TMEM44: variants seen among roughly 807,000 people sequenced by gnomAD.
The protein encoded by TMEM44 is transmembrane protein 44.
A neutral mutation model predicts 47.8 loss-of-function variants in TMEM44; 43 were observed. The ratio of observed to expected loss-of-function variants is 0.90; its 90% CI spans 0.70 to 1.16. The LOEUF (loss-of-function observed/expected upper bound fraction) is 1.16. Among genes scored for constraint, TMEM44 ranks in the 50% most tolerant of loss-of-function variants. The probability of loss-of-function intolerance (pLI) is 0.00; values close to 1 mark genes in which losing one functional copy is unlikely to be tolerated. For missense variants in TMEM44, 568 were observed against 555.2 expected, an observed-to-expected ratio of 1.02 and a Z score of -0.23; for synonymous variants, 277 against 238.8, an observed-to-expected ratio of 1.16 and a Z score of -1.48.
At chr3:194,628,231 G>T in intron 2 of TMEM44, 152 bp downstream of exon 2, 2 of 1,091,026 alleles carry the variant, frequency 1.8e-6, no homozygotes, top group Non-Finnish European at 2.5e-6. Context: ...TCTGAGGGGG[G>T]CAGAAGGAAC....
intron 9 of TMEM44, among the ~76,000 whole-genome samples, chr3:194,596,132 T>C (rs954281986): frequency 6.6e-6 from 1 of 151,926 alleles, no homozygotes; most frequent in African/African-American, 2.4e-5. Flanking sequence ...AGCTCAGGCT[T>C]AGGAGCCTGG....
At chr3:194,597,643 C>T (rs1165565408) in intron 9 of TMEM44, among the ~76,000 whole-genome samples, 6 of 142,580 alleles carry the variant, frequency 4.2e-5, no homozygotes, top group Admixed American at 3.6e-4. Flanking sequence ...CTGGGTGACT[C>T]TGTCTCAAAA....
chr3:194,588,729 C>G, intron 9 of TMEM44, 90 bp from the exon 10 acceptor site: 1 of 1,300,008 alleles, frequency 7.7e-7, no homozygotes, highest in Non-Finnish European at 1.1e-6. Context: ...AAGCTCCAAT[C>G]TTGGTTCTCA....
chr3:194,608,573 G>C (rs1714996481), intron 8 of TMEM44, among the ~76,000 whole-genome samples: 1 of 152,230 alleles, frequency 6.6e-6, no homozygotes, highest in South Asian at 2.1e-4. Flanking sequence ...GCTTCGGACT[G>C]GGTGGTTAGG....
intron 9 of TMEM44, among the ~76,000 whole-genome samples, chr3:194,590,786 T>G (rs529540714): frequency 6.6e-6 from 1 of 152,300 alleles, no homozygotes; most frequent in East Asian, 1.9e-4. Flanking sequence ...GCCCTGATGA[T>G]TGAGAACCAC....
At chr3:194,623,154 T>C in intron 5 of TMEM44, 70 bp downstream of exon 5, 1 of 1,475,804 alleles carries the variant, frequency 6.8e-7, no homozygotes, top group Non-Finnish European at 9.2e-7. Context: ...CCCATGACCC[T>C]CTCAGGATGC....
At position 194,617,916 on chromosome 3, in the gene TMEM44, C is replaced by T. The variant is rs1169698789; in HGVS notation, c.613-647G>A. The stretch of plus-strand genomic sequence containing the variant: ...AATGTGTGTGTGGCACCTTCCCTTC[C>T]ACCCTCTTGCACTCTCTCTCTCTCT... On this transcript the variant is annotated intron_variant, in intron 5 of 9. Transcript: ENST00000347147. 4 of 581,788 alleles carry T rather than the reference C, an allele frequency of 6.9e-6. No individual in the cohort carries two copies. The African/African-American group carries it at 7.5e-5, about 11-fold the overall frequency. 36.0% of individuals were successfully genotyped at this position (581,788 alleles called of 1,614,324 possible).
At chr3:194,614,896 G>A (rs1715713721) in intron 7 of TMEM44, among the ~76,000 whole-genome samples, 1 of 152,140 alleles carries the variant, frequency 6.6e-6, no homozygotes, top group Non-Finnish European at 1.5e-5. Flanking sequence ...AGGATCCTAT[G>A]GCATTCAGGC....
At chr3:194,619,840 C>T (rs1274579998) in intron 5 of TMEM44, among the ~76,000 whole-genome samples, 1 of 152,228 alleles carries the variant, frequency 6.6e-6, no homozygotes, top group Non-Finnish European at 1.5e-5. Flanking sequence ...CCTGAGTCCC[C>T]AGGGCAATCT....
In TMEM44 at chr3:194,588,320, C is replaced by G; in HGVS notation, c.*209G>C. 1 of 539,792 alleles carries G rather than the reference C, an allele frequency of 1.9e-6. No homozygotes were observed. Among genetic ancestry groups the G allele is most frequent in the Non-Finnish European group, 3.3e-6 (1 of 305,018 alleles). The allele number at this position is 539,792 out of a possible 1,614,324, so 33.4% of individuals were successfully genotyped here. A position where few individuals can be genotyped will look rare whatever the true frequency, so the allele number is the denominator to read the frequency against. ...TGTGATCTTCAGAACGAATGCTGGG[C>G]CTATCCAGGTCTGTCCGCAGTACCC... On this transcript the variant is annotated 3_prime_UTR_variant, in exon 10 of 10. Transcript: ENST00000347147.
In TMEM44 at chr3:194,615,559, C is replaced by A; in HGVS notation, c.912+10G>T. The A allele has an allele frequency of 6.2e-7, 1 of 1,613,322 alleles. No individual in the cohort carries two copies. The highest frequency in any genetic ancestry group is 8.5e-7 in the Non-Finnish European group (1 of 1,179,624). Reference sequence around the variant, plus strand: ...TTTCCAGCCAGAGAGACCTTGTCCTCGTTCCTCACCTCCTGGTTTTCTTCC... The same window carrying A: ...TTTCCAGCCAGAGAGACCTTGTCCTAGTTCCTCACCTCCTGGTTTTCTTCC... On this transcript the variant is annotated intron_variant, in intron 7 of 9. Transcript: ENST00000347147.
In TMEM44 at chr3:194,604,459, G is replaced by A; in HGVS notation, c.1018-14C>T. ...ACTGCAGCCTGCCTGCAAGGTGTGTGAGAAAGGGCAGGCAAGGACACGTAG... is the reference window on the plus strand; with the variant it reads ...ACTGCAGCCTGCCTGCAAGGTGTGTAAGAAAGGGCAGGCAAGGACACGTAG... On this transcript the variant is annotated splice_polypyrimidine_tract_variant and intron_variant, in intron 8 of 9. Transcript: ENST00000347147. The A allele has an allele frequency of 2.0e-6, 3 of 1,493,228 alleles. No homozygotes were observed. Among genetic ancestry groups the A allele is most frequent in the Non-Finnish European group, 2.7e-6 (3 of 1,115,456 alleles). The allele number at this position is 1,493,228 out of a possible 1,614,324, so 92.5% of individuals were successfully genotyped here. A position where few individuals can be genotyped will look rare whatever the true frequency, so the allele number is the denominator to read the frequency against.
At chr3:194,609,880 C>G (rs542486213) in intron 8 of TMEM44, among the ~76,000 whole-genome samples, 5 of 152,264 alleles carry the variant, frequency 3.3e-5, no homozygotes, top group African/African-American at 9.6e-5. Flanking sequence ...CTCTAAAATG[C>G]ACATCTGACC....
chr3:194,623,772 T>C (rs183710884), intron 3 of TMEM44, 77 bp from the exon 4 acceptor site: 13 of 1,573,824 alleles, frequency 8.3e-6, no homozygotes, highest in African/African-American at 1.3e-5. Flanking sequence ...TGGGAAGAAC[T>C]GGTGTCAGCT....
In TMEM44 at chr3:194,625,901, A is replaced by G. The variant is rs1204395687; in HGVS notation, c.354T>C (p.Asn118=). 6.2e-7 allele frequency: 1 copy of G among 1,612,518 alleles called. No homozygotes were observed. The highest frequency in any genetic ancestry group is 8.5e-7 in the Non-Finnish European group (1 of 1,178,704). ...FPVCGSKFKS[N]SDREARERKR... is the part of the protein sequence containing the mutation. Reference sequence around the variant, plus strand: ...AAAAGACAGCCACACACTCACCTGAATTAGACTTGAATTTGGATCCACAGA... The same window carrying G: ...AAAAGACAGCCACACACTCACCTGAGTTAGACTTGAATTTGGATCCACAGA... Residue 118 remains asparagine, a synonymous_variant, in exon 3 of 10, where the codon AAT becomes AAC. Coordinates refer to ENST00000347147, the MANE Select transcript of TMEM44 (RefSeq NM_001011655.3).
At chr3:194,603,361 G>A (rs1033398193) in intron 9 of TMEM44, among the ~76,000 whole-genome samples, 4 of 152,200 alleles carry the variant, frequency 2.6e-5, no homozygotes, top group Non-Finnish European at 4.4e-5. Flanking sequence ...TCCTCGGGGG[G>A]AGAAAAGCTC....
At chr3:194,633,050 G>A (rs1717988465) in intron 1 of TMEM44, 29 bp downstream of exon 1, 1 of 1,545,564 alleles carries the variant, frequency 6.5e-7, no homozygotes, top group East Asian at 2.5e-5. Context: ...TTCCCCGCCC[G>A]ACAGCCCCCC....
chr3:194,601,454 G>A (rs1186257275), intron 9 of TMEM44, among the ~76,000 whole-genome samples: 5 of 152,090 alleles, frequency 3.3e-5, no homozygotes, highest in African/African-American at 4.8e-5. Context: ...ACAGGCATGC[G>A]CCACCACGCC....
At chr3:194,592,505 T>G (rs1358235354) in intron 9 of TMEM44, among the ~76,000 whole-genome samples, 5 of 152,280 alleles carry the variant, frequency 3.3e-5, no homozygotes, top group African/African-American at 1.2e-4. Context: ...GGGTTACACG[T>G]CTTCTTGGAG....
Sources: gnomAD v4.1 joint callset for allele counts (sites outside exome capture counted in the v4.1 genomes callset) on GRCh38, gnomAD v4.1.1 for gene constraint, MANE v1.5 for transcripts, NCBI Gene and HGNC (gene_info 2026-07-23, HGNC 2026-07-21) for gene names.